Variants in SLC33A1 observed in about 807,000 individuals in gnomAD.
SLC33A1 encodes the protein acetyl-coenzyme A transporter 1.
Under a neutral mutation model 50.0 loss-of-function variants are expected in SLC33A1, and 20 were observed. The ratio of observed to expected loss-of-function variants is 0.40; its 90% CI spans 0.28 to 0.58. The LOEUF (loss-of-function observed/expected upper bound fraction) is 0.58, where lower values mean the gene tolerates loss of function less well. Ranked by LOEUF, SLC33A1 falls within the 20% of genes least tolerant of loss-of-function variation. The pLI is 0.44. For synonymous variants in SLC33A1, 265 were observed against 251.8 expected (o/e 1.05, Z -0.50); for missense variants, 476 against 657.0 (o/e 0.72, Z 3.01).
intron 2 of SLC33A1, among the ~76,000 whole-genome samples, chr3:155,835,894 T>C (rs774716356): frequency 5.9e-5 from 9 of 152,074 alleles, no homozygotes; most frequent in Non-Finnish European, 1.2e-4. Context: ...TCTTTGTGTG[T>C]CCACGTCCTT....
chr3:155,838,052 C>T (rs938996055), intron 2 of SLC33A1, among the ~76,000 whole-genome samples: 2 of 152,120 alleles, frequency 1.3e-5, no homozygotes, highest in African/African-American at 4.8e-5. Context: ...CCTGTAATCC[C>T]AGCACTTTGG....
At chr3:155,850,482 G>C (rs904699397) in intron 1 of SLC33A1, among the ~76,000 whole-genome samples, 2 of 136,322 alleles carry the variant, frequency 1.5e-5, no homozygotes, top group Non-Finnish European at 2.9e-5. Context: ...TTCTCTTAAT[G>C]TAAGAGTGAT....
Position 155,824,104 on chromosome 3 carries a change from A to G in SLC33A1, c.*4106T>C, listed in dbSNP as rs1163023807. 1 of 152,114 alleles carries G rather than the reference A, an allele frequency of 6.6e-6. No individual in the cohort carries two copies. Among genetic ancestry groups the G allele is most frequent in the Non-Finnish European group, 1.5e-5 (1 of 68,034 alleles). 9.4% of individuals were successfully genotyped at this position (152,114 alleles called of 1,614,324 possible). Reference sequence around the variant, plus strand: ...TGGTTAAAAAAAAGTCTCAGCAGTTACAATGTACAGTATCACCTTCCCTTC... The same window carrying G: ...TGGTTAAAAAAAAGTCTCAGCAGTTGCAATGTACAGTATCACCTTCCCTTC... On this transcript the variant is annotated 3_prime_UTR_variant, in exon 6 of 6. Coordinates refer to ENST00000643144, the MANE Select transcript of SLC33A1 (RefSeq NM_004733.4).
chr3:155,854,080 G>A lies in SLC33A1; in HGVS notation c.-83C>T. 8.4e-7 allele frequency: 1 copy of A among 1,191,218 alleles called. No homozygotes were observed. Among genetic ancestry groups the A allele is most frequent in the Non-Finnish European group, 1.2e-6 (1 of 864,160 alleles). 73.8% of individuals were successfully genotyped at this position (1,191,218 alleles called of 1,614,324 possible). ...GTCCAGTCCCAGGTCCAAGGCTGTC[G>A]CGCTGGACCAGGGTTTCGGTGGTTC... is the stretch of plus-strand genomic sequence containing the variant. On this transcript the variant is annotated 5_prime_UTR_variant, in exon 1 of 6. Transcript: ENST00000643144.
At chr3:155,839,054 C>T (rs567414439) in intron 2 of SLC33A1, among the ~76,000 whole-genome samples, 2 of 151,528 alleles carry the variant, frequency 1.3e-5, no homozygotes, top group South Asian at 2.1e-4. Context: ...TTTGGGAGGC[C>T]GAGACGGGCA....
At chr3:155,831,324 T>C (rs1752421671) in intron 4 of SLC33A1, among the ~76,000 whole-genome samples, 2 of 151,722 alleles carry the variant, frequency 1.3e-5, no homozygotes, top group Non-Finnish European at 2.9e-5. Flanking sequence ...GGTGAGGTGG[T>C]GCTCATCTGT....
At chr3:155,846,513 G>C (rs1753183122) in intron 1 of SLC33A1, among the ~76,000 whole-genome samples, 1 of 151,130 alleles carries the variant, frequency 6.6e-6, no homozygotes, top group Non-Finnish European at 1.5e-5. Flanking sequence ...GAGTGCAATG[G>C]CACAATCTCA....
In SLC33A1 at chr3:155,828,896, G is replaced by GTT. The variant is rs11355046; in HGVS notation, c.1483-521_1483-520dup. 5.1e-4 allele frequency among the ~76,000 whole-genome samples: 66 copies of GTT among 128,746 alleles called. No homozygotes were observed. In the East Asian group the frequency reaches 0.01, roughly 20 times the overall value. 84.5% of individuals were successfully genotyped at this position (128,746 alleles called of 152,430 possible). A position where few individuals can be genotyped will look rare whatever the true frequency, so the allele number is the denominator to read the frequency against. Reference sequence around the variant, plus strand: ...TGAGCCACCATACCCAGCCGAATATGTTTTTTTTTTTTTTTTTTTTTTAAG... The same window carrying GTT: ...TGAGCCACCATACCCAGCCGAATATGTTTTTTTTTTTTTTTTTTTTTTTTAAG... On this transcript the variant is annotated intron_variant, in intron 5 of 5. Transcript: ENST00000643144.
intron 1 of SLC33A1, among the ~76,000 whole-genome samples, chr3:155,848,267 C>T (rs749044081): frequency 2.6e-4 from 39 of 152,306 alleles, no homozygotes; most frequent in Non-Finnish European, 4.6e-4. Flanking sequence ...TGTCAAGTGG[C>T]AGGAACTACA....
intron 5 of SLC33A1, 44 bp downstream of exon 5, chr3:155,829,644 T>G: frequency 1.5e-6 from 2 of 1,310,118 alleles, no homozygotes; most frequent in South Asian, 2.4e-5. Flanking sequence ...GATATTAATA[T>G]CTTAGTATTA....
At chr3:155,832,577 C>T (rs2109310269) in intron 4 of SLC33A1, among the ~76,000 whole-genome samples, 1 of 151,878 alleles carries the variant, frequency 6.6e-6, no homozygotes, top group African/African-American at 2.4e-5. Context: ...CCTGTAATCC[C>T]AGCACTTTGG....
At chr3:155,844,441 ATATATATATATATATATTTTTTTTTT>A (rs1328142356) in intron 1 of SLC33A1, among the ~76,000 whole-genome samples, 4 of 5,598 alleles carry the variant, frequency 7.1e-4, no homozygotes, top group African/African-American at 2.0e-3. Flanking sequence ...ATATATATAT[ATATATATATATATATATTTTTTTTTT>A]TTTTTTTTTT....
Position 155,842,590 on chromosome 3 carries a change from A to G in SLC33A1, c.805T>C (p.Leu269=). Reference sequence around the variant, plus strand: ...AGGGCAACCAATGTTGTTGTTATTAAAAATACAGTTCCCCAGAAAAAAAGG... The same window carrying G: ...AGGGCAACCAATGTTGTTGTTATTAGAAATACAGTTCCCCAGAAAAAAAGG... ...DFLFFWGTVF[L]ITTTLVALLK... The change falls in exon 2 of 6, where the codon TTA becomes CTA. Residue 269 remains leucine (L), a synonymous_variant. Coordinates refer to ENST00000643144, the MANE Select transcript of SLC33A1 (RefSeq NM_004733.4). The G allele has an allele frequency of 6.3e-7, 1 of 1,579,472 alleles. No individual in the cohort carries two copies. The highest frequency in any genetic ancestry group is 8.6e-7 in the Non-Finnish European group (1 of 1,161,528).
chr3:155,833,862 G>C lies in SLC33A1; in HGVS notation c.1143C>G (p.Pro381=), dbSNP rs1156682956. 1 of 1,611,966 alleles carries C rather than the reference G, an allele frequency of 6.2e-7. No homozygotes were observed. The highest frequency in any genetic ancestry group is 1.7e-4 in the Middle Eastern group (1 of 6,050). The change falls in exon 3 of 6, where the codon CCC becomes CCG. Residue 381 remains proline (P), a synonymous_variant. Transcript: ENST00000643144. The stretch of plus-strand genomic sequence containing the variant: ...AGGTTTTATTTCATTTTTACCTGTA[G>C]GGCATGGCTTTGTAAAATGTGTTTA... The part of the protein sequence containing the change: ...QPLNTFYKAM[P]YRLLLGLEYA...
intron 1 of SLC33A1, 126 bp downstream of exon 1, chr3:155,853,097 A>C: frequency 1.2e-6 from 1 of 864,078 alleles, no homozygotes; most frequent in Non-Finnish European, 1.8e-6. Flanking sequence ...TGGACGAAAC[A>C]GAAAACTTAC....
rs1752167204 is a variant in SLC33A1, at chr3:155,824,889, A to T, written c.*3321T>A. ...GTTTAATATTTTTAAAAAATTGAGA[A>T]ATCTATTTAAGGTGTTGAATAAACT... On this transcript the variant is annotated 3_prime_UTR_variant, in exon 6 of 6. Coordinates refer to ENST00000643144, the MANE Select transcript of SLC33A1 (RefSeq NM_004733.4). The T allele has an allele frequency of 6.6e-6, 1 of 152,148 alleles. No individual in the cohort carries two copies. Among genetic ancestry groups the T allele is most frequent in the Non-Finnish European group, 1.5e-5 (1 of 68,026 alleles). The allele number at this position is 152,148 out of a possible 1,614,324, so 9.4% of individuals were successfully genotyped here. A position where few individuals can be genotyped will look rare whatever the true frequency, so the allele number is the denominator to read the frequency against.
intron 1 of SLC33A1, among the ~76,000 whole-genome samples, chr3:155,850,726 C>A (rs951973971): frequency 1.3e-5 from 2 of 151,602 alleles, no homozygotes; most frequent in African/African-American, 2.4e-5. Context: ...AAGCGATTCT[C>A]CCCACCCAGC....
At chr3:155,845,276 A>C (rs111884768) in intron 1 of SLC33A1, among the ~76,000 whole-genome samples, 3 of 136,172 alleles carry the variant, frequency 2.2e-5, no homozygotes, top group African/African-American at 1.1e-4. Flanking sequence ...ACCAAGAGAA[A>C]AAAGAAGAAG....
At chr3:155,831,379 C>T (rs1752423729) in intron 4 of SLC33A1, among the ~76,000 whole-genome samples, 1 of 140,496 alleles carries the variant, frequency 7.1e-6, no homozygotes, top group South Asian at 2.4e-4. Context: ...TCACTTGAAC[C>T]CGGGAGGTGG....
Sources: allele counts gnomAD v4.1 joint callset (sites outside exome capture counted in the v4.1 genomes callset), GRCh38; gene constraint gnomAD v4.1.1; transcripts MANE v1.5; gene names NCBI Gene and HGNC (gene_info 2026-07-23, HGNC 2026-07-21).